The following NHLH2 variants were observed in gnomAD, a reference collection of about 807,000 sequenced individuals.
NHLH2 encodes helix-loop-helix protein 2.
NHLH2 carries 7 observed loss-of-function variants against 7.3 expected under a neutral mutation model. The observed-to-expected ratio is 0.96, with a 90% CI of 0.55 to 1.81. The LOEUF (loss-of-function observed/expected upper bound fraction) is 1.81, where lower values mean the gene tolerates loss of function less well. Among genes scored for constraint, NHLH2 ranks in the 40% most tolerant of loss-of-function variants. The pLI is 0.00. For missense variants in NHLH2, 155 were observed against 194.0 expected (o/e 0.80, Z 1.19); for synonymous variants, 93 against 91.6 (o/e 1.01, Z -0.09).
downstream of NHLH2, among the ~76,000 whole-genome samples, chr1:115,832,106 C>T (rs1472211502): frequency 2.0e-5 from 3 of 152,106 alleles, no homozygotes; most frequent in Non-Finnish European, 4.4e-5. Flanking sequence ...AGAGTCTGTG[C>T]TTCTGACCAG....
chr1:115,838,718 C>G (rs1650961637), intron 2 of NHLH2: 2 of 281,230 alleles, frequency 7.1e-6, no homozygotes, highest in African/African-American at 4.5e-5. Context: ...GTTTTTGTGC[C>G]TCTTCCGGCC....
At chr1:115,835,868 A>G (rs955593681), downstream of NHLH2, among the ~76,000 whole-genome samples, 8 of 151,908 alleles carry the variant, frequency 5.3e-5, no homozygotes, top group African/African-American at 1.7e-4. Flanking sequence ...TTGTTTGCGG[A>G]TGCCCTGTCT....
chr1:115,839,722 G>T (rs1184878236), intron 2 of NHLH2: 2 of 166,804 alleles, frequency 1.2e-5, no homozygotes. Flanking sequence ...GGAGAAATCC[G>T]CGTCGGCGAC....
Position 115,837,824 on chromosome 1 carries a change from C to A in NHLH2, c.*141G>T, listed in dbSNP as rs1168065109. 4.5e-6 allele frequency: 4 copies of A among 890,648 alleles called. No individual in the cohort carries two copies. The highest frequency in any genetic ancestry group is 3.3e-5 in the Admixed American group (1 of 30,030). The allele number at this position is 890,648 out of a possible 1,614,324, so 55.2% of individuals were successfully genotyped here. ...CCTGCTGACCAGAGAGAACAGGTAG[C>A]GAGCTTCTTCCCCGGCCGTCTCTCG... On this transcript the variant is annotated 3_prime_UTR_variant, in exon 3 of 3. Transcript: ENST00000320238.
At chr1:115,832,262 A>G (rs1447063671), downstream of NHLH2, among the ~76,000 whole-genome samples, 1 of 152,200 alleles carries the variant, frequency 6.6e-6, no homozygotes, top group Non-Finnish European at 1.5e-5. Context: ...GGTGTATTCC[A>G]TGGATGACTA....
chr1:115,835,278 C>T (rs1453051409), downstream of NHLH2, among the ~76,000 whole-genome samples: 2 of 152,158 alleles, frequency 1.3e-5, no homozygotes, highest in Admixed American at 6.5e-5. Flanking sequence ...AAGTTGACTT[C>T]ATACCCTTGG....
At chr1:115,839,184 A>G (rs573357403) in intron 2 of NHLH2, 20 of 167,304 alleles carry the variant, frequency 1.2e-4, no homozygotes, top group African/African-American at 4.6e-4. Context: ...GGATCAGACA[A>G]TGCGCCCGGC....
At position 115,837,706 on chromosome 1, in the gene NHLH2, A is replaced by C; in HGVS notation, c.*259T>G. 1 of 484,218 alleles carries C rather than the reference A, an allele frequency of 2.1e-6. No individual in the cohort carries two copies. Among genetic ancestry groups the C allele is most frequent in the Non-Finnish European group, 3.6e-6 (1 of 276,112 alleles). The allele number at this position is 484,218 out of a possible 1,614,324, so 30.0% of individuals were successfully genotyped here. A position where few individuals can be genotyped will look rare whatever the true frequency, so the allele number is the denominator to read the frequency against. ...GAAGTGGCTCATCTCGGGTGTCTCC[A>C]CGAGGTTCTCCTGGCCTGGAAAATC... is the stretch of plus-strand genomic sequence containing the variant. On this transcript the variant is annotated 3_prime_UTR_variant, in exon 3 of 3. Transcript: ENST00000320238.
rs778864735 is a variant in NHLH2 at position 115,838,226 on chromosome 1, C to T, written c.147G>A (p.Lys49=). 1.3e-6 allele frequency: 2 copies of T among 1,559,130 alleles called. No individual in the cohort carries two copies. Among genetic ancestry groups the T allele is most frequent in the South Asian group, 1.2e-5 (1 of 85,448 alleles). Residue 49 remains lysine, a synonymous_variant, in exon 3 of 3, where the codon AAG becomes AAA. Transcript: ENST00000320238. ...GGTAGAGCGCGGCTCGGCTGCCGCC[C>T]TTGCCGTCGCCCTCGGCCTCCTCCA... ...EPVEEAEGDG[K]GGSRAALYPH... is the part of the protein sequence containing the mutation.
chr1:115,837,890 G>C lies in NHLH2; in HGVS notation c.*75C>G. 6.7e-7 allele frequency: 1 copy of C among 1,483,652 alleles called. No individual in the cohort carries two copies. Among genetic ancestry groups the C allele is most frequent in the Non-Finnish European group, 9.0e-7 (1 of 1,113,982 alleles). 91.9% of individuals were successfully genotyped at this position (1,483,652 alleles called of 1,614,324 possible). Reference sequence around the variant, plus strand: ...TGGGCCACCGCAGCCTCCGCCACCCGAGCGACGGCGCCCGTCCGGATCCGT... The same window carrying C: ...TGGGCCACCGCAGCCTCCGCCACCCCAGCGACGGCGCCCGTCCGGATCCGT... On this transcript the variant is annotated 3_prime_UTR_variant, in exon 3 of 3. Coordinates refer to ENST00000320238, the MANE Select transcript of NHLH2 (RefSeq NM_005599.3).
downstream of NHLH2, among the ~76,000 whole-genome samples, chr1:115,834,880 C>G (rs939531611): frequency 6.6e-6 from 1 of 152,158 alleles, no homozygotes; most frequent in Non-Finnish European, 1.5e-5. Context: ...AATGAATGCT[C>G]ACCATCGTCA....
intron 2 of NHLH2, chr1:115,839,743 G>T (rs1010474479): frequency 6.0e-6 from 1 of 166,780 alleles, no homozygotes; most frequent in African/African-American, 2.4e-5. Context: ...GTATAGGAGC[G>T]TTTGCTTCTA....
rs1182695504 is a variant in NHLH2 at position 115,841,109 on chromosome 1, G to A, written c.-499C>T. 6.0e-6 allele frequency: 1 copy of A among 167,060 alleles called. No homozygotes were observed. The highest frequency in any genetic ancestry group is 1.5e-5 in the Non-Finnish European group (1 of 68,130). 10.3% of individuals were successfully genotyped at this position (167,060 alleles called of 1,614,324 possible). On this transcript the variant is annotated 5_prime_UTR_variant, in exon 1 of 3. Transcript: ENST00000320238. ...GCAGAGATGCGTGTGTGGCTTCTGG[G>A]CTCTCCTGGTACCAATTGATTCAGC... is the stretch of plus-strand genomic sequence containing the variant.
Position 115,837,994 on chromosome 1 carries a change from A to C in NHLH2, c.379T>G (p.Ser127Ala). Reference protein sequence around the residue: ...EILRLAICYISYLNHVLDV With the variant: ...EILRLAICYIAYLNHVLDV ...ACGTCCAGGACGTGGTTGAGATAGGAGATGTAGCAGATGGCCAGGCGCAGG... is the reference window on the plus strand; with the variant it reads ...ACGTCCAGGACGTGGTTGAGATAGGCGATGTAGCAGATGGCCAGGCGCAGG... Residue 127 changes from serine (S) to alanine (A), a missense_variant, in exon 3 of 3, where the codon TCC (serine) becomes GCC (alanine). Physicochemically the swap from Ser to Ala is moderately conservative, Grantham distance 99. This residue lies in a region of NHLH2 where 64 missense variants were observed against 107.4 expected (regional missense o/e 0.60). Transcript: ENST00000320238. 2 of 1,607,538 alleles carry C rather than the reference A, an allele frequency of 1.2e-6. No individual in the cohort carries two copies. Among genetic ancestry groups the C allele is most frequent in the Non-Finnish European group, 1.7e-6 (2 of 1,177,500 alleles).
intron 2 of NHLH2, chr1:115,838,864 C>G (rs1018747251): frequency 8.3e-5 from 14 of 167,772 alleles, no homozygotes; most frequent in African/African-American, 3.4e-4. Context: ...CGAGGGCCTC[C>G]GGCGAAGCAA....
downstream of NHLH2, among the ~76,000 whole-genome samples, chr1:115,835,557 TA>T (rs1650847343): frequency 6.6e-6 from 1 of 152,164 alleles, no homozygotes; most frequent in East Asian, 1.9e-4. Flanking sequence ...ACCTAGTAGG[TA>T]TCTGTGAAGC....
rs765713385 is a variant in NHLH2, at chr1:115,838,013, G to A, written c.360C>T (p.Arg120=). The A allele has an allele frequency of 6.8e-6, 11 of 1,610,494 alleles. No homozygotes were observed. Among genetic ancestry groups the A allele is most frequent in the Middle Eastern group, 1.6e-4 (1 of 6,064 alleles). ...DKKLSKIEIL[R]LAICYISYLN... is the part of the protein sequence containing the mutation. ...GATAGGAGATGTAGCAGATGGCCAG[G>A]CGCAGGATCTCGATCTTGGAGAGCT... Residue 120 remains arginine, a synonymous_variant, in exon 3 of 3, where the codon CGC becomes CGT. Transcript: ENST00000320238.
downstream of NHLH2, among the ~76,000 whole-genome samples, chr1:115,836,023 A>C (rs1650862743): frequency 6.6e-6 from 1 of 151,576 alleles, no homozygotes; most frequent in South Asian, 2.1e-4. Flanking sequence ...AGTGTAGGTC[A>C]CTCCTTGGGC....
At position 115,837,805 on chromosome 1, in the gene NHLH2, G is replaced by A; in HGVS notation, c.*160C>T. The A allele has an allele frequency of 2.6e-6, 2 of 776,454 alleles. No individual in the cohort carries two copies. Among genetic ancestry groups the A allele is most frequent in the Non-Finnish European group, 3.9e-6 (2 of 518,578 alleles). 48.1% of individuals were successfully genotyped at this position (776,454 alleles called of 1,614,324 possible). A position where few individuals can be genotyped will look rare whatever the true frequency, so the allele number is the denominator to read the frequency against. ...GGAAACCTTCCCTCGTCGCCCTGCTGACCAGAGAGAACAGGTAGCGAGCTT... is the reference window on the plus strand; with the variant it reads ...GGAAACCTTCCCTCGTCGCCCTGCTAACCAGAGAGAACAGGTAGCGAGCTT... On this transcript the variant is annotated 3_prime_UTR_variant, in exon 3 of 3. Coordinates refer to ENST00000320238, the MANE Select transcript of NHLH2 (RefSeq NM_005599.3).
Sources: allele counts gnomAD v4.1 joint callset (sites outside exome capture counted in the v4.1 genomes callset), GRCh38; gene constraint gnomAD v4.1.1; regional missense constraint gnomAD v4.1.1; transcripts MANE v1.5; gene names NCBI Gene and HGNC (gene_info 2026-07-23, HGNC 2026-07-21).